The following IFI44L variants were observed in gnomAD, a reference collection of about 807,000 sequenced individuals.
The protein encoded by IFI44L is interferon-induced protein 44-like.
In IFI44L, 40 loss-of-function variants were observed where a neutral mutation model predicts 39.3. The ratio of observed to expected loss-of-function variants is 1.02; its 90% confidence interval spans 0.79 to 1.33. The LOEUF (loss-of-function observed/expected upper bound fraction) is 1.33. Ranked by LOEUF, IFI44L falls within the 40% of genes most tolerant of loss-of-function variation. The probability of loss-of-function intolerance (pLI) is 0.00; values close to 1 mark genes in which losing one functional copy is unlikely to be tolerated. For missense variants in IFI44L, 623 were observed against 549.0 expected (o/e 1.13, Z -1.35); for synonymous variants, 198 against 182.3 (o/e 1.09, Z -0.69).
chr1:78,626,992 G>C (rs1652513994), intron 1 of IFI44L: 1 of 151,888 alleles, frequency 6.6e-6, no homozygotes, highest in African/African-American at 2.4e-5. Flanking sequence ...TAAGGGAAAG[G>C]TTTCCAAGGT....
intron 2 of IFI44L, chr1:78,628,677 G>A (rs3766328): frequency 0.03 from 15,145 of 511,160 alleles, 391 homozygotes; most frequent in East Asian, 0.11. Context: ...TATCATCAGA[G>A]CTGCTCTGTT....
At chr1:78,621,526 C>T (rs1362535845) in intron 1 of IFI44L, among the ~76,000 whole-genome samples, 1 of 152,178 alleles carries the variant, frequency 6.6e-6, no homozygotes, top group Non-Finnish European at 1.5e-5. Flanking sequence ...CCAGCCTCAG[C>T]CTCCCAAAGT....
rs1425961558 is a variant in IFI44L, at chr1:78,645,950, AG to A, written c.*4143del. On this transcript the variant is annotated 3_prime_UTR_variant, in exon 9 of 9. Coordinates refer to ENST00000370751, the MANE Select transcript of IFI44L (RefSeq NM_006820.4). ...ATAGACTCAGACTGTTTCAGGCTCC[AG>A]GACAGGAAGTGCAGTGTAGGCAAAA... 6.6e-6 allele frequency: 1 copy of A among 152,238 alleles called. No individual in the cohort carries two copies. Among genetic ancestry groups the A allele is most frequent in the Non-Finnish European group, 1.5e-5 (1 of 68,060 alleles). The allele number at this position is 152,238 out of a possible 1,614,324, so 9.4% of individuals were successfully genotyped here. A position where few individuals can be genotyped will look rare whatever the true frequency, so the allele number is the denominator to read the frequency against.
chr1:78,637,295 C>G, intron 6 of IFI44L, 92 bp downstream of exon 6: 1 of 928,566 alleles, frequency 1.1e-6, no homozygotes, highest in Non-Finnish European at 1.6e-6. Flanking sequence ...TTCCCATGTA[C>G]CTTTCATCCT....
chr1:78,628,223 C>G lies in IFI44L; in HGVS notation c.308C>G (p.Thr103Arg), dbSNP rs759991643. 6.2e-7 allele frequency: 1 copy of G among 1,612,682 alleles called. No individual in the cohort carries two copies. The highest frequency in any genetic ancestry group is 8.5e-7 in the Non-Finnish European group (1 of 1,179,378). The stretch of plus-strand genomic sequence containing the variant: ...GAAATAGAAACTTTACTCTTAAATA[C>G]AGCACCAAAAATTATTGATGAGCAA... ...TTEIETLLLN[T>R]APKIIDEQLV... Residue 103 changes from threonine (T) to arginine (R), a missense_variant, in exon 2 of 9, where the codon ACA (threonine) becomes AGA (arginine). Transcript: ENST00000370751.
chr1:78,642,553 A>C lies in IFI44L; in HGVS notation c.*744A>C, dbSNP rs945772937. 1 of 151,970 alleles carries C rather than the reference A, an allele frequency of 6.6e-6. No homozygotes were observed. The highest frequency in any genetic ancestry group is 1.5e-5 in the Non-Finnish European group (1 of 67,990). 9.4% of individuals were successfully genotyped at this position (151,970 alleles called of 1,614,324 possible). ...CACTGTACTCTAGCCAGGGAGAAAG[A>C]GTGAGATCCTGGCTCAAAAAAACCA... is the stretch of plus-strand genomic sequence containing the variant. On this transcript the variant is annotated 3_prime_UTR_variant, in exon 9 of 9. Transcript: ENST00000370751.
chr1:78,636,828 T>C, intron 5 of IFI44L: 1 of 457,604 alleles, frequency 2.2e-6, no homozygotes. Flanking sequence ...AGCAATAAAG[T>C]GTTTTTTTTC....
chr1:78,623,962 G>A lies in IFI44L; in HGVS notation c.-11+3391G>A, dbSNP rs566627896. The stretch of plus-strand genomic sequence containing the variant: ...TAATTCAAATGCTAATCTAAAATGT[G>A]TTTGTATATTCATTTGCCTCAACAT... On this transcript the variant is annotated intron_variant, in intron 1 of 8. Coordinates refer to ENST00000370751, the MANE Select transcript of IFI44L (RefSeq NM_006820.4). Among the ~76,000 whole-genome samples the A allele has an allele frequency of 2.6e-5, 4 of 152,176 alleles. No individual in the cohort carries two copies. The South Asian group carries it at 8.3e-4, about 32-fold the overall frequency.
Position 78,642,285 on chromosome 1 carries a change from T to A in IFI44L, c.*476T>A, listed in dbSNP as rs1646995882. ...TGAGCAAGCATACTTGCCATTACTTTTCCTTCCCACTCTCTCCAACATCAC... is the reference window on the plus strand; with the variant it reads ...TGAGCAAGCATACTTGCCATTACTTATCCTTCCCACTCTCTCCAACATCAC... On this transcript the variant is annotated 3_prime_UTR_variant, in exon 9 of 9. Coordinates refer to ENST00000370751, the MANE Select transcript of IFI44L (RefSeq NM_006820.4). 6.5e-6 allele frequency: 1 copy of A among 153,868 alleles called. No individual in the cohort carries two copies. Among genetic ancestry groups the A allele is most frequent in the African/African-American group, 2.4e-5 (1 of 41,408 alleles). 9.5% of individuals were successfully genotyped at this position (153,868 alleles called of 1,614,324 possible).
chr1:78,621,910 A>G (rs1652291300), intron 1 of IFI44L, among the ~76,000 whole-genome samples: 1 of 152,112 alleles, frequency 6.6e-6, no homozygotes, highest in Non-Finnish European at 1.5e-5. Context: ...CGCTTTGAGT[A>G]TTTATTATTT....
Position 78,645,876 on chromosome 1 carries a change from G to T in IFI44L, c.*4067G>T, listed in dbSNP as rs1647042836. On this transcript the variant is annotated 3_prime_UTR_variant, in exon 9 of 9. Transcript: ENST00000370751. ...GATATAGAAGTACAGTCAATGTTCA[G>T]CTGTACCCTCCCACAATCCCACTTC... 6.6e-6 allele frequency: 1 copy of T among 152,132 alleles called. No homozygotes were observed. The highest frequency in any genetic ancestry group is 2.1e-4 in the South Asian group (1 of 4,828). The allele number at this position is 152,132 out of a possible 1,614,324, so 9.4% of individuals were successfully genotyped here.
intron 6 of IFI44L, among the ~76,000 whole-genome samples, 179 bp downstream of exon 6, chr1:78,637,382 T>C (rs746021337): frequency 8.5e-5 from 13 of 152,238 alleles, no homozygotes; most frequent in South Asian, 4.1e-4. Context: ...AATCCTAATG[T>C]TCAGTCTTTA....
Position 78,628,139 on chromosome 1 carries a change from G to A in IFI44L, c.224G>A (p.Ser75Asn), listed in dbSNP as rs753087539. 6 of 1,611,882 alleles carry A rather than the reference G, an allele frequency of 3.7e-6. No homozygotes were observed. In the Admixed American group the frequency reaches 8.4e-5, roughly 22 times the overall value. Residue 75 changes from serine (S) to asparagine (N), a missense_variant, in exon 2 of 9, where the codon AGT becomes AAT. Coordinates refer to ENST00000370751, the MANE Select transcript of IFI44L (RefSeq NM_006820.4). ...MLGNYINLHE[S>N]STEPNDSLWF... ...GGAAATTATATTAATTTACATGAAA[G>A]TTCTACAGAGCCAAATGATTCCCTA...
chr1:78,623,568 T>C (rs181724404), intron 1 of IFI44L, among the ~76,000 whole-genome samples: 28 of 152,190 alleles, frequency 1.8e-4, no homozygotes, highest in African/African-American at 6.5e-4. Context: ...AAATTTGTTA[T>C]GGGAGGTGGC....
Position 78,628,135 on chromosome 1 carries a change from G to A in IFI44L, c.220G>A (p.Glu74Lys), listed in dbSNP as rs1350977062. Residue 74 changes from glutamate to lysine, a missense_variant, in exon 2 of 9, where the codon GAA becomes AAA. Glu to Lys is a moderately conservative substitution (Grantham distance 56). Transcript: ENST00000370751. Reference sequence around the variant, plus strand: ...GCTTGGAAATTATATTAATTTACATGAAAGTTCTACAGAGCCAAATGATTC... The same window carrying A: ...GCTTGGAAATTATATTAATTTACATAAAAGTTCTACAGAGCCAAATGATTC... ...FMLGNYINLH[E>K]SSTEPNDSLW... The A allele has an allele frequency of 3.7e-6, 6 of 1,611,872 alleles. No individual in the cohort carries two copies. Among genetic ancestry groups the A allele is most frequent in the African/African-American group, 2.7e-5 (2 of 74,792 alleles).
chr1:78,624,241 C>T lies in IFI44L; in HGVS notation c.-10-3665C>T, dbSNP rs72935604. 9.9e-3 allele frequency among the ~76,000 whole-genome samples: 1,505 copies of T among 152,242 alleles called. 16 individuals are homozygous for T. The highest frequency in any genetic ancestry group is 0.034 in the African/African-American group (1,428 of 41,544). On this transcript the variant is annotated intron_variant, in intron 1 of 8. Transcript: ENST00000370751. Reference sequence around the variant, plus strand: ...AGACTCATGACCTCAAGTGTTCCGCCGAACTCGGCCTCCCAAAGTACTGGG... The same window carrying T: ...AGACTCATGACCTCAAGTGTTCCGCTGAACTCGGCCTCCCAAAGTACTGGG...
At position 78,641,460 on chromosome 1, in the gene IFI44L, G is replaced by A. The variant is rs750594906; in HGVS notation, c.1175G>A (p.Gly392Asp). ...SRVMNVHKML[G>D]IPISNILMVG... ...GTCATGAATGTCCATAAAATGCTAG[G>A]CATTCCTATTTCCAATATTTTGATG... Residue 392 changes from glycine (G) to aspartate (D), a missense_variant, in exon 8 of 9, where the codon GGC becomes GAC. Coordinates refer to ENST00000370751, the MANE Select transcript of IFI44L (RefSeq NM_006820.4). 90 of 1,613,374 alleles carry A rather than the reference G, an allele frequency of 5.6e-5. 1 individual carries two copies. In the Middle Eastern group the frequency reaches 9.9e-4, roughly 18 times the overall value.
At chr1:78,627,251 A>T (rs1461202487) in intron 1 of IFI44L, 2 of 151,914 alleles carry the variant, frequency 1.3e-5, no homozygotes, top group East Asian at 1.9e-4. Context: ...TTTATAGTTT[A>T]TTCTGCTTTT....
intron 7 of IFI44L, 96 bp from the exon 8 acceptor site, chr1:78,641,339 T>C (rs1013632198): frequency 8.7e-7 from 1 of 1,151,254 alleles, no homozygotes; most frequent in African/African-American, 1.6e-5. Context: ...TATTAAGCCA[T>C]TGCTTTTTTG....
Sources: gnomAD v4.1 joint callset for allele counts (sites outside exome capture counted in the v4.1 genomes callset) on GRCh38, gnomAD v4.1.1 for gene constraint, MANE v1.5 for transcripts, NCBI Gene and HGNC (gene_info 2026-07-23, HGNC 2026-07-21) for gene names.